ANKS1B: variants seen among roughly 807,000 people sequenced by gnomAD.
ANKS1B encodes ankyrin repeat and sterile alpha motif domain containing 1B, also known as ankyrin repeat and sterile alpha motif domain-containing protein 1B.
Under a neutral mutation model 148.3 loss-of-function variants are expected in ANKS1B, and 36 were observed. That is an observed-to-expected ratio of 0.24 (90% CI 0.19 to 0.32). ANKS1B has a LOEUF of 0.32. ANKS1B is among the 10% of genes least tolerant of loss of function. The pLI, the probability that ANKS1B is intolerant of heterozygous loss-of-function variation, is 1.00. For synonymous variants in ANKS1B, 542 were observed against 560.8 expected (o/e 0.97, Z 0.47); for missense variants, 1,157 against 1,542.6 (o/e 0.75, Z 4.19).
chr12:99,911,998 C>A lies in ANKS1B; in HGVS notation c.134+72106G>T, dbSNP rs555340872. Among the ~76,000 whole-genome samples the A allele has an allele frequency of 2.0e-5, 3 of 152,216 alleles. No individual in the cohort carries two copies. In the South Asian group the frequency reaches 6.2e-4, roughly 32 times the overall value. ...ACTTTCACTGATATTAAAAGATAAA[C>A]CTAGGCACATTAAAATTTTAAAGAG... On this transcript the variant is annotated intron_variant, in intron 1 of 26. Transcript: ENST00000683438.
chr12:99,786,472 A>C (rs1248672823), intron 4 of ANKS1B, among the ~76,000 whole-genome samples: 3 of 152,208 alleles, frequency 2.0e-5, no homozygotes, highest in African/African-American at 7.2e-5. Flanking sequence ...TAAAACTTCT[A>C]AAGAACATCC....
intron 8 of ANKS1B, among the ~76,000 whole-genome samples, chr12:99,730,348 T>C (rs1015362045): frequency 3.9e-5 from 6 of 152,016 alleles, no homozygotes; most frequent in Non-Finnish European, 5.9e-5. Context: ...GGAACTAGGG[T>C]GGCAGACAAT....
intron 9 of ANKS1B, among the ~76,000 whole-genome samples, chr12:99,570,803 T>C (rs1038516924): frequency 6.6e-6 from 1 of 152,148 alleles, no homozygotes; most frequent in African/African-American, 2.4e-5. Flanking sequence ...TAAAAGTATA[T>C]ACAATGTACG....
At chr12:98,772,239 G>A (rs936646857) in intron 25 of ANKS1B, among the ~76,000 whole-genome samples, 1 of 152,174 alleles carries the variant, frequency 6.6e-6, no homozygotes, top group Non-Finnish European at 1.5e-5. Flanking sequence ...TGAAGATAGT[G>A]CCCTGAAAGT....
intron 26 of ANKS1B, 55 bp from the exon 27 acceptor site, chr12:98,745,904 T>G (rs1338461853): frequency 1.3e-6 from 2 of 1,570,096 alleles, no homozygotes; most frequent in South Asian, 1.2e-5. Context: ...GGTGCGCGCA[T>G]GCACGCGGAC....
At chr12:99,653,678 C>CTTTTTTTTTTTTTTT (rs199988255) in intron 9 of ANKS1B, among the ~76,000 whole-genome samples, 2 of 113,586 alleles carry the variant, frequency 1.8e-5, no homozygotes, top group African/African-American at 3.2e-5. Flanking sequence ...TTCTTTCTTT[C>CTTTTTTTTTTTTTTT]TTTTTTTTTT....
At chr12:99,955,698 A>C (rs2095312370) in intron 1 of ANKS1B, among the ~76,000 whole-genome samples, 1 of 152,056 alleles carries the variant, frequency 6.6e-6, no homozygotes, top group South Asian at 2.1e-4. Flanking sequence ...AGTTACAAAG[A>C]ACATACATTT....
chr12:99,514,764 T>G (rs2096799172), intron 9 of ANKS1B, among the ~76,000 whole-genome samples: 1 of 152,000 alleles, frequency 6.6e-6, no homozygotes, highest in Non-Finnish European at 1.5e-5. Flanking sequence ...AGTATCTAGC[T>G]CTGCCAATTT....
chr12:98,987,428 T>C (rs975944452), intron 17 of ANKS1B, among the ~76,000 whole-genome samples: 1 of 152,106 alleles, frequency 6.6e-6, no homozygotes, highest in Non-Finnish European at 1.5e-5. Flanking sequence ...GTAAAACAGA[T>C]TTTGACCTTT....
chr12:99,792,239 C>T (rs1325253819), intron 4 of ANKS1B, among the ~76,000 whole-genome samples: 1 of 151,650 alleles, frequency 6.6e-6, no homozygotes, highest in African/African-American at 2.4e-5. Flanking sequence ...GTAACAAGAT[C>T]GAAGCCATAA....
At chr12:99,288,257 G>T (rs2079414298) in intron 12 of ANKS1B, among the ~76,000 whole-genome samples, 1 of 151,892 alleles carries the variant, frequency 6.6e-6, no homozygotes, top group Admixed American at 6.6e-5. Context: ...GGAGAGAGCG[G>T]CATGATATAT....
rs1218152995 is a variant in ANKS1B, at chr12:99,278,802, G to A, written c.1757-31938C>T. Among the ~76,000 whole-genome samples, 3 of 152,146 alleles carry A rather than the reference G, an allele frequency of 2.0e-5. No individual in the cohort carries two copies. The East Asian group carries it at 5.8e-4, about 29-fold the overall frequency. ...TTCAAGCAAAAAATAAAAAGTACAA[G>A]TCATCCTGAAAATATGAAAGGAAAA... On this transcript the variant is annotated intron_variant, in intron 12 of 26. Transcript: ENST00000683438.
chr12:98,880,402 T>C (rs1396143776), intron 17 of ANKS1B, among the ~76,000 whole-genome samples: 2 of 152,176 alleles, frequency 1.3e-5, no homozygotes, highest in Non-Finnish European at 2.9e-5. Context: ...TTGGTAACAA[T>C]ATGCCAATCA....
chr12:98,990,171 G>A (rs905012579), intron 17 of ANKS1B, among the ~76,000 whole-genome samples: 21 of 152,052 alleles, frequency 1.4e-4, no homozygotes, highest in African/African-American at 5.1e-4. Context: ...TTCTATTTGT[G>A]TCTTCTTCAA....
intron 12 of ANKS1B, among the ~76,000 whole-genome samples, chr12:99,315,335 T>C (rs1002127794): frequency 3.3e-5 from 5 of 150,586 alleles, no homozygotes; most frequent in African/African-American, 7.3e-5. Flanking sequence ...AGGTCTAATA[T>C]GCAAAAGTTA....
intron 12 of ANKS1B, among the ~76,000 whole-genome samples, chr12:99,363,807 A>T (rs1291413964): frequency 6.6e-6 from 1 of 152,102 alleles, no homozygotes; most frequent in Non-Finnish European, 1.5e-5. Flanking sequence ...AAATAAAATC[A>T]CCATAACCCA....
intron 17 of ANKS1B, among the ~76,000 whole-genome samples, chr12:98,934,222 G>T (rs1007058954): frequency 6.6e-6 from 1 of 152,062 alleles, no homozygotes; most frequent in Admixed American, 6.6e-5. Flanking sequence ...GTCACGTCCA[G>T]TCTTCTCAAT....
At chr12:99,561,081 T>C (rs1260879881) in intron 9 of ANKS1B, among the ~76,000 whole-genome samples, 2 of 151,976 alleles carry the variant, frequency 1.3e-5, no homozygotes, top group Non-Finnish European at 2.9e-5. Context: ...CTCCTGACCT[T>C]GTGATCCACC....
At chr12:99,533,451 T>G (rs2153097492) in intron 9 of ANKS1B, among the ~76,000 whole-genome samples, 1 of 152,008 alleles carries the variant, frequency 6.6e-6, no homozygotes, top group Middle Eastern at 3.4e-3. Flanking sequence ...GTCTTTGGGG[T>G]TTTCAAGGTA....
Sources: gnomAD v4.1 joint callset for allele counts (sites outside exome capture counted in the v4.1 genomes callset) on GRCh38, gnomAD v4.1.1 for gene constraint, MANE v1.5 for transcripts, NCBI Gene and HGNC (gene_info 2026-07-23, HGNC 2026-07-21) for gene names.